The following BBS9 variants were observed in gnomAD, a reference collection of about 807,000 sequenced individuals.
The protein encoded by BBS9 is protein PTHB1.
Under a neutral mutation model 117.7 loss-of-function variants are expected in BBS9, and 89 were observed. The ratio of observed to expected loss-of-function variants is 0.76; its 90% CI spans 0.64 to 0.90. The LOEUF is 0.90. Among genes scored for constraint, BBS9 ranks in the 40% least tolerant of loss-of-function variants. BBS9 has a pLI of 0.00. For missense variants in BBS9, 982 were observed against 1,042.2 expected, an observed-to-expected ratio of 0.94 and a Z score of 0.80; for synonymous variants, 379 against 370.9, an observed-to-expected ratio of 1.02 and a Z score of -0.25.
At chr7:33,379,239 A>G (rs1395968220) in intron 17 of BBS9, among the ~76,000 whole-genome samples, 1 of 152,136 alleles carries the variant, frequency 6.6e-6, no homozygotes, top group African/African-American at 2.4e-5. Context: ...TACTTCATTC[A>G]GGTACCTTGA....
chr7:33,390,690 T>C, intron 19 of BBS9: 1 of 803,872 alleles, frequency 1.2e-6, no homozygotes. Context: ...CACATGAATA[T>C]AATTTCCCAA....
At chr7:33,604,539 G>A (rs929208017) in intron 21 of BBS9, among the ~76,000 whole-genome samples, 2 of 152,118 alleles carry the variant, frequency 1.3e-5, no homozygotes, top group African/African-American at 2.4e-5. Flanking sequence ...AATTCCTGCC[G>A]AGGGGCCTTT....
intron 19 of BBS9, among the ~76,000 whole-genome samples, chr7:33,437,747 A>G (rs571892810): frequency 1.3e-5 from 2 of 152,222 alleles, no homozygotes; most frequent in East Asian, 3.9e-4. Context: ...ACTGTGTTGC[A>G]TACCTGTAAT....
At chr7:33,373,299 TAGA>T (rs1370126103) in intron 17 of BBS9, among the ~76,000 whole-genome samples, 1 of 152,146 alleles carries the variant, frequency 6.6e-6, no homozygotes, top group East Asian at 1.9e-4. Context: ...AATTCGATGA[TAGA>T]AGACAACGCA....
At chr7:33,239,328 C>G (rs1562858133) in intron 5 of BBS9, among the ~76,000 whole-genome samples, 1 of 152,094 alleles carries the variant, frequency 6.6e-6, no homozygotes, top group Non-Finnish European at 1.5e-5. Context: ...TGATCATTCT[C>G]CTTTTAGGCA....
intron 19 of BBS9, among the ~76,000 whole-genome samples, chr7:33,473,788 T>G (rs894702423): frequency 6.6e-6 from 1 of 152,240 alleles, no homozygotes; most frequent in Non-Finnish European, 1.5e-5. Flanking sequence ...ACTTCTATGC[T>G]ATGTTTCCTT....
At chr7:33,614,412 C>T (rs1274011661) in intron 21 of BBS9, among the ~76,000 whole-genome samples, 5 of 151,840 alleles carry the variant, frequency 3.3e-5, no homozygotes, top group East Asian at 1.9e-4. Context: ...TTTAAAATTC[C>T]GTCTGTACTT....
At chr7:33,237,983 T>C (rs766240882) in intron 5 of BBS9, among the ~76,000 whole-genome samples, 4 of 152,184 alleles carry the variant, frequency 2.6e-5, no homozygotes, top group Non-Finnish European at 5.9e-5. Flanking sequence ...TCCCTCATCC[T>C]CAAGAATAGA....
chr7:33,172,917 A>G (rs145814657), intron 4 of BBS9, among the ~76,000 whole-genome samples: 1 of 152,360 alleles, frequency 6.6e-6, no homozygotes, highest in East Asian at 1.9e-4. Flanking sequence ...GACTTATGCC[A>G]ATTTAAAACA....
chr7:33,181,038 T>A (rs1017496177), intron 5 of BBS9, among the ~76,000 whole-genome samples: 8 of 152,282 alleles, frequency 5.3e-5, no homozygotes, highest in African/African-American at 1.9e-4. Flanking sequence ...GTGCTGCTTG[T>A]GTGAATGGTA....
At chr7:33,412,824 G>T (rs1202348905) in intron 19 of BBS9, among the ~76,000 whole-genome samples, 1 of 152,126 alleles carries the variant, frequency 6.6e-6, no homozygotes, top group East Asian at 1.9e-4. Flanking sequence ...TTTTTCATGA[G>T]CCTGAATCAT....
chr7:33,558,373 TGGGAA>T (rs1305054892), intron 21 of BBS9, among the ~76,000 whole-genome samples: 1 of 151,806 alleles, frequency 6.6e-6, no homozygotes, highest in Non-Finnish European at 1.5e-5. Flanking sequence ...TGAGGATGGA[TGGGAA>T]GGAGCCAGCA....
In BBS9 at chr7:33,177,491, T is replaced by C. The variant is rs1001554781; in HGVS notation, c.342T>C (p.Asn114=). ...CVYSVSGTLG[N]VEHGNQCQMK... ...TTTTTTCCTTAGGAACCTTGGGTAA[T>C]GTGGAACATGGGAACCAATGTCAGA... The change falls in exon 5 of 23, where the codon AAT becomes AAC. Residue 114 remains asparagine, a synonymous_variant. Transcript: ENST00000242067. 1.9e-6 allele frequency: 3 copies of C among 1,609,034 alleles called. No homozygotes were observed.
chr7:33,468,922 G>T (rs1376370102), intron 19 of BBS9, among the ~76,000 whole-genome samples: 1 of 151,888 alleles, frequency 6.6e-6, no homozygotes, highest in Non-Finnish European at 1.5e-5. Flanking sequence ...GGACACTTAG[G>T]TTGGTTCCAT....
chr7:33,536,761 C>T (rs1318363982), intron 21 of BBS9, among the ~76,000 whole-genome samples: 1 of 129,258 alleles, frequency 7.7e-6, no homozygotes, highest in African/African-American at 3.2e-5. Flanking sequence ...TAGTTTCACA[C>T]AGTCTCTTTT....
At chr7:33,606,487 G>T (rs138228121), downstream of BBS9, among the ~76,000 whole-genome samples, 1 of 152,172 alleles carries the variant, frequency 6.6e-6, no homozygotes, top group South Asian at 2.1e-4. Context: ...TGCATTAAGG[G>T]TTTTGTTGCT....
chr7:33,580,037 C>CTTT (rs1248788518), intron 21 of BBS9, among the ~76,000 whole-genome samples: 1 of 152,014 alleles, frequency 6.6e-6, no homozygotes, highest in African/African-American at 2.4e-5. Flanking sequence ...TTGTCGACCA[C>CTTT]TTTTGTATGC....
At chr7:33,532,594 A>G (rs1314862612) in intron 20 of BBS9, among the ~76,000 whole-genome samples, 1 of 152,102 alleles carries the variant, frequency 6.6e-6, no homozygotes, top group Non-Finnish European at 1.5e-5. Flanking sequence ...CGAGAACAGC[A>G]TGAGGGTAGC....
In BBS9 at chr7:33,289,125, G is replaced by A. The variant is rs114165052; in HGVS notation, c.1016+15169G>A. Among the ~76,000 whole-genome samples the A allele has an allele frequency of 7.9e-3, 1,195 of 152,170 alleles. 19 individuals carry two copies. The highest frequency in any genetic ancestry group is 0.028 in the African/African-American group (1,142 of 41,516). On this transcript the variant is annotated intron_variant, in intron 9 of 22. Transcript: ENST00000242067. ...AATTGCTTCCCTTTCAGATTAGTGC[G>A]ATTCAATATTCTATCTAACAAGACG...
Sources: gnomAD v4.1 joint callset for allele counts (sites outside exome capture counted in the v4.1 genomes callset) on GRCh38, gnomAD v4.1.1 for gene constraint, MANE v1.5 for transcripts, NCBI Gene and HGNC (gene_info 2026-07-23, HGNC 2026-07-21) for gene names.